CERS3: variants seen among roughly 807,000 people sequenced by gnomAD.
The protein encoded by CERS3 is LAG1 homolog, ceramide synthase 3.
CERS3 carries 33 observed loss-of-function variants against 50.3 expected under a neutral mutation model. The observed-to-expected ratio is 0.66, with a 90% CI of 0.50 to 0.88. The LOEUF is 0.88. Ranked by LOEUF, CERS3 falls within the 40% of genes least tolerant of loss-of-function variation. The pLI, the probability that CERS3 is intolerant of heterozygous loss-of-function variation, is 0.00. For synonymous variants in CERS3, 176 were observed against 155.2 expected, an observed-to-expected ratio of 1.13 and a Z score of -0.99; for missense variants, 470 against 460.3, an observed-to-expected ratio of 1.02 and a Z score of -0.19.
chr15:100,427,188 C>A (rs1157391771), intron 11 of CERS3, among the ~76,000 whole-genome samples: 3 of 152,084 alleles, frequency 2.0e-5, no homozygotes, highest in Non-Finnish European at 2.9e-5. Context: ...GACATACGGT[C>A]CTCTGCAGCA....
At position 100,501,722 on chromosome 15, in the gene CERS3, A is replaced by G. The variant is rs2036005524; in HGVS notation, c.128T>C (p.Ile43Thr). The G allele has an allele frequency of 6.2e-7, 1 of 1,613,984 alleles. No homozygotes were observed. Among genetic ancestry groups the G allele is most frequent in the Non-Finnish European group, 8.5e-7 (1 of 1,179,826 alleles). The change falls in exon 3 of 12, where the codon ATT becomes ACT. Residue 43 changes from isoleucine to threonine, a missense_variant. By Grantham distance (89) the Ile-to-Thr change is moderately conservative. Transcript: ENST00000679737. ...FVKPSHLYVT[I>T]PYAFLLLIIR... ...AATCAGCAAGAGAAAAGCATATGGAATTGTCACGTATAAATGAGAAGGTTT... is the reference window on the plus strand; with the variant it reads ...AATCAGCAAGAGAAAAGCATATGGAGTTGTCACGTATAAATGAGAAGGTTT...
chr15:100,479,889 G>C, intron 6 of CERS3, 100 bp downstream of exon 6: 1 of 821,286 alleles, frequency 1.2e-6, no homozygotes, highest in South Asian at 1.6e-5. Flanking sequence ...CTCTAAAACT[G>C]GTTATCTTAT....
At chr15:100,539,538 A>T (rs1419172196) in intron 1 of CERS3, among the ~76,000 whole-genome samples, 1 of 152,214 alleles carries the variant, frequency 6.6e-6, no homozygotes, top group Admixed American at 6.5e-5. Context: ...GCAGGGAAGA[A>T]AAGTGCTGAG....
At chr15:100,408,260 T>C (rs1419850239) in intron 11 of CERS3, among the ~76,000 whole-genome samples, 2 of 152,178 alleles carry the variant, frequency 1.3e-5, no homozygotes, top group Non-Finnish European at 2.9e-5. Context: ...GAGGGAAATA[T>C]GTACTTTTCT....
intron 11 of CERS3, among the ~76,000 whole-genome samples, chr15:100,423,753 C>T (rs148000699): frequency 6.6e-6 from 1 of 152,198 alleles, no homozygotes; most frequent in East Asian, 1.9e-4. Flanking sequence ...GAACCTAAAA[C>T]AAAAGTTGAA....
In CERS3 at chr15:100,431,592, A is replaced by T. The variant is rs186140648; in HGVS notation, c.999+24301T>A. Among the ~76,000 whole-genome samples, 680 of 152,274 alleles carry T rather than the reference A, an allele frequency of 4.5e-3. 5 individuals are homozygous for T. The highest frequency in any genetic ancestry group is 0.015 in the African/African-American group (621 of 41,552). On this transcript the variant is annotated intron_variant, in intron 11 of 11. Transcript: ENST00000679737. ...AAGAGTATAGTGATCTCCGCTTTTT[A>T]AAAAATAGACCCAGTAAATGGAGTG... is the stretch of plus-strand genomic sequence containing the variant.
chr15:100,458,905 G>C (rs1285057299), intron 10 of CERS3, among the ~76,000 whole-genome samples: 1 of 152,090 alleles, frequency 6.6e-6, no homozygotes, highest in African/African-American at 2.4e-5. Context: ...TACATATCAA[G>C]AGTTAGCAAA....
At chr15:100,503,879 G>A in intron 2 of CERS3, 1 of 396,172 alleles carries the variant, frequency 2.5e-6, no homozygotes, top group South Asian at 1.8e-5. Context: ...AGAGGATAAA[G>A]TGAGCCCCAG....
chr15:100,415,078 C>T (rs1447987119), intron 11 of CERS3, among the ~76,000 whole-genome samples: 3 of 152,058 alleles, frequency 2.0e-5, no homozygotes, highest in Non-Finnish European at 4.4e-5. Flanking sequence ...TGAACTTAAA[C>T]AAATTTACAA....
chr15:100,466,174 A>G (rs2034707555), intron 10 of CERS3, among the ~76,000 whole-genome samples: 1 of 152,198 alleles, frequency 6.6e-6, no homozygotes, highest in Admixed American at 6.5e-5. Flanking sequence ...GTTTTTAAAG[A>G]CAACAGTGTG....
At position 100,472,973 on chromosome 15, in the gene CERS3, C is replaced by T. The variant is rs548362259; in HGVS notation, c.689G>A (p.Ser230Asn). The change falls in exon 9 of 12, where the codon AGT (serine) becomes AAT (asparagine). Residue 230 changes from serine (S) to asparagine (N), a missense_variant. By Grantham distance (46) the Ser-to-Asn change is conservative (BLOSUM62 1). Coordinates refer to ENST00000679737, the MANE Select transcript of CERS3 (RefSeq NM_001378789.1). ...GTGTACAATCATCACGAGGGTCCCA[C>T]TGCGAATATAATTAGCACACCAAGA... ...SFSWCANYIR[S>N]GTLVMIVHDV... The T allele has an allele frequency of 1.2e-6, 2 of 1,613,998 alleles. No individual in the cohort carries two copies. The highest frequency in any genetic ancestry group is 2.2e-5 in the East Asian group (1 of 44,878).
At chr15:100,525,022 T>C (rs2036745877) in intron 1 of CERS3, among the ~76,000 whole-genome samples, 1 of 152,232 alleles carries the variant, frequency 6.6e-6, no homozygotes, top group South Asian at 2.1e-4. Context: ...TGTAATATTT[T>C]ACCTCTCCAA....
At chr15:100,532,198 C>T (rs927844092), upstream of CERS3, among the ~76,000 whole-genome samples, 4 of 152,012 alleles carry the variant, frequency 2.6e-5, no homozygotes, top group Middle Eastern at 3.4e-3. Flanking sequence ...GAAGGGGAAG[C>T]GGGCAACTTC....
At chr15:100,440,593 C>T (rs2033634224) in intron 11 of CERS3, among the ~76,000 whole-genome samples, 1 of 152,230 alleles carries the variant, frequency 6.6e-6, no homozygotes, top group African/African-American at 2.4e-5. Flanking sequence ...GGTCTCTTCA[C>T]ACGGACGTGC....
intron 1 of CERS3, among the ~76,000 whole-genome samples, chr15:100,541,060 A>T (rs2037190656): frequency 6.6e-6 from 1 of 152,230 alleles, no homozygotes; most frequent in South Asian, 2.1e-4. Flanking sequence ...AGCTTTGGTT[A>T]GAAAAAGCTA....
chr15:100,482,499 G>A (rs976487548), intron 5 of CERS3, among the ~76,000 whole-genome samples: 2 of 152,100 alleles, frequency 1.3e-5, no homozygotes, highest in African/African-American at 4.8e-5. Flanking sequence ...ACACTGAGGA[G>A]TTCTCCTACC....
At chr15:100,433,100 G>A (rs2033215437) in intron 11 of CERS3, among the ~76,000 whole-genome samples, 1 of 152,058 alleles carries the variant, frequency 6.6e-6, no homozygotes, top group Non-Finnish European at 1.5e-5. Flanking sequence ...GCCAGGTGTG[G>A]TGGCGGGTAC....
intron 3 of CERS3, among the ~76,000 whole-genome samples, chr15:100,491,285 T>C (rs1169580970): frequency 6.6e-6 from 1 of 152,212 alleles, no homozygotes; most frequent in Non-Finnish European, 1.5e-5. Context: ...TTATTTGGTG[T>C]TATTATCTTA....
chr15:100,407,076 G>A (rs1312364049), intron 11 of CERS3, among the ~76,000 whole-genome samples: 1 of 152,164 alleles, frequency 6.6e-6, no homozygotes, highest in Admixed American at 6.5e-5. Flanking sequence ...TCCCTCCCAT[G>A]ATACATGGGA....
Sources: allele counts gnomAD v4.1 joint callset (sites outside exome capture counted in the v4.1 genomes callset), GRCh38; gene constraint gnomAD v4.1.1; transcripts MANE v1.5; gene names NCBI Gene and HGNC (gene_info 2026-07-23, HGNC 2026-07-21).